Variants in RAB28 observed in about 807,000 individuals in gnomAD.
RAB28 encodes the protein RAB28, member RAS oncogene family, also known as ras-related protein Rab-28.
Under a neutral mutation model 31.7 loss-of-function variants are expected in RAB28, and 24 were observed. The observed-to-expected ratio is 0.76, with a 90% confidence interval of 0.55 to 1.06. The LOEUF is 1.06. Among genes scored for constraint, RAB28 ranks in the 50% least tolerant of loss-of-function variants. The pLI, the probability that RAB28 is intolerant of heterozygous loss-of-function variation, is 0.00. For synonymous variants in RAB28, 100 were observed against 90.4 expected (o/e 1.11, Z -0.60); for missense variants, 254 against 258.5 (o/e 0.98, Z 0.12).
chr4:13,483,292 G>A (rs906383785), intron 1 of RAB28, among the ~76,000 whole-genome samples: 1 of 152,060 alleles, frequency 6.6e-6, no homozygotes, highest in African/African-American at 2.4e-5. Context: ...TCTCACGCCC[G>A]CATTCATTCA....
Position 13,368,309 on chromosome 4 carries a change from A to T in RAB28, c.*249T>A. On this transcript the variant is annotated 3_prime_UTR_variant, in exon 7 of 7. Transcript: ENST00000330852. Reference sequence around the variant, plus strand: ...AAAGAAACAACATCATTCTTTTGCAATGAAGCAGTCTAATTCCAGGGAATG... The same window carrying T: ...AAAGAAACAACATCATTCTTTTGCATTGAAGCAGTCTAATTCCAGGGAATG... 1 of 1,136,538 alleles carries T rather than the reference A, an allele frequency of 8.8e-7. No individual in the cohort carries two copies. Among genetic ancestry groups the T allele is most frequent in the Non-Finnish European group, 1.1e-6 (1 of 927,610 alleles). The allele number at this position is 1,136,538 out of a possible 1,614,324, so 70.4% of individuals were successfully genotyped here.
intron 4 of RAB28, among the ~76,000 whole-genome samples, chr4:13,430,267 C>G (rs534660273): frequency 1.7e-4 from 26 of 152,004 alleles, no homozygotes; most frequent in Non-Finnish European, 3.1e-4. Flanking sequence ...GAGAGAAGAC[C>G]AAAGGTATCA....
intron 4 of RAB28, among the ~76,000 whole-genome samples, chr4:13,393,030 GT>G (rs1035301949): frequency 6.6e-5 from 10 of 152,178 alleles, no homozygotes; most frequent in African/African-American, 2.4e-4. Flanking sequence ...TGTCATTGTG[GT>G]TTGTCCATGC....
intron 1 of RAB28, among the ~76,000 whole-genome samples, chr4:13,483,692 T>C (rs1307364862): frequency 6.6e-6 from 1 of 151,944 alleles, no homozygotes; most frequent in East Asian, 1.9e-4. Context: ...CACGATGCAG[T>C]AGAAGCATCA....
intron 4 of RAB28, among the ~76,000 whole-genome samples, chr4:13,433,227 A>G (rs1713914360): frequency 6.6e-6 from 1 of 151,968 alleles, no homozygotes; most frequent in South Asian, 2.1e-4. Context: ...AAAAAAAAAA[A>G]GACAAAGAAC....
At chr4:13,424,874 T>C (rs529581405) in intron 4 of RAB28, among the ~76,000 whole-genome samples, 1 of 152,284 alleles carries the variant, frequency 6.6e-6, no homozygotes, top group African/African-American at 2.4e-5. Flanking sequence ...TCTATCAGCA[T>C]GCAAACATAT....
At chr4:13,407,076 T>C (rs1712140512) in intron 4 of RAB28, among the ~76,000 whole-genome samples, 1 of 152,226 alleles carries the variant, frequency 6.6e-6, no homozygotes, top group Non-Finnish European at 1.5e-5. Flanking sequence ...CATGAAGTCT[T>C]TGCCCAAGCC....
intron 4 of RAB28, among the ~76,000 whole-genome samples, chr4:13,403,046 C>T (rs553977059): frequency 3.3e-5 from 5 of 152,096 alleles, no homozygotes; most frequent in Admixed American, 6.5e-5. Context: ...CCACCCACCT[C>T]GGCCTGCCAA....
At chr4:13,404,687 C>T (rs776058369) in intron 4 of RAB28, among the ~76,000 whole-genome samples, 39 of 152,072 alleles carry the variant, frequency 2.6e-4, no homozygotes, top group Non-Finnish European at 5.0e-4. Context: ...ATTAGCATAT[C>T]AAATTATAAC....
At chr4:13,399,164 C>T (rs76337721) in intron 4 of RAB28, among the ~76,000 whole-genome samples, 1 of 152,138 alleles carries the variant, frequency 6.6e-6, no homozygotes, top group East Asian at 1.9e-4. Flanking sequence ...AGTCTAGCTC[C>T]GGAGTCTGTA....
chr4:13,401,078 T>C (rs1427202436), intron 4 of RAB28, among the ~76,000 whole-genome samples: 1 of 152,234 alleles, frequency 6.6e-6, no homozygotes, highest in Non-Finnish European at 1.5e-5. Context: ...TGTCATAAAA[T>C]AAGTTGGGAG....
intron 4 of RAB28, among the ~76,000 whole-genome samples, chr4:13,421,754 G>C (rs1438336039): frequency 6.6e-6 from 1 of 152,184 alleles, no homozygotes; most frequent in Admixed American, 6.5e-5. Context: ...ATTAATTCAA[G>C]ATGGATTATA....
intron 6 of RAB28, among the ~76,000 whole-genome samples, chr4:13,373,941 A>ATATGTATGTATG (rs566473086): frequency 0.021 from 3,125 of 151,866 alleles, 97 homozygotes; most frequent in African/African-American, 0.071. Context: ...GTGTGTATAT[A>ATATGTATGTATG]TATGTATGTA....
intron 3 of RAB28, among the ~76,000 whole-genome samples, chr4:13,466,130 T>C (rs1404337197): frequency 1.3e-5 from 2 of 151,972 alleles, no homozygotes; most frequent in Non-Finnish European, 2.9e-5. Context: ...CAAGAAAATG[T>C]ATGGAGGAAA....
chr4:13,435,103 T>A, intron 4 of RAB28, among the ~76,000 whole-genome samples: 1 of 143,468 alleles, frequency 7.0e-6, no homozygotes, highest in Admixed American at 6.8e-5. Flanking sequence ...ACATGGAAAC[T>A]AAACAACTTG....
At chr4:13,402,095 A>G (rs1711798330) in intron 4 of RAB28, among the ~76,000 whole-genome samples, 1 of 152,176 alleles carries the variant, frequency 6.6e-6, no homozygotes, top group African/African-American at 2.4e-5. Flanking sequence ...GCTTAATTCC[A>G]TTATTGTCAG....
intron 4 of RAB28, among the ~76,000 whole-genome samples, chr4:13,451,430 G>T (rs1219890615): frequency 4.2e-5 from 6 of 144,216 alleles, no homozygotes; most frequent in African/African-American, 5.1e-5. Flanking sequence ...CTTTTGTTTT[G>T]GTTTTTTGCT....
intron 4 of RAB28, among the ~76,000 whole-genome samples, chr4:13,387,570 A>G (rs1312674916): frequency 6.6e-6 from 1 of 152,074 alleles, no homozygotes; most frequent in African/African-American, 2.4e-5. Flanking sequence ...CTGAAGTATG[A>G]GAAGTAATTA....
intron 4 of RAB28, among the ~76,000 whole-genome samples, chr4:13,445,160 G>GATC (rs1434121114): frequency 1.3e-5 from 2 of 151,436 alleles, no homozygotes; most frequent in Non-Finnish European, 2.9e-5. Context: ...TCTTCTGCTT[G>GATC]ATCGATTCAG....
Sources: gnomAD v4.1 joint callset for allele counts (sites outside exome capture counted in the v4.1 genomes callset) on GRCh38, gnomAD v4.1.1 for gene constraint, MANE v1.5 for transcripts, NCBI Gene and HGNC (gene_info 2026-07-23, HGNC 2026-07-21) for gene names.